The following ALDOA variants were observed in gnomAD, a reference collection of about 807,000 sequenced individuals.
The protein encoded by ALDOA is fructose-bisphosphate aldolase A.
A neutral mutation model predicts 43.9 loss-of-function variants in ALDOA; 26 were observed. That is an observed-to-expected ratio of 0.59 (90% CI 0.43 to 0.82). The LOEUF is 0.82. ALDOA is among the 40% of genes least tolerant of loss of function. The pLI is 0.00. For synonymous variants in ALDOA, 258 were observed against 222.6 expected, an observed-to-expected ratio of 1.16 and a Z score of -1.42; for missense variants, 498 against 549.5, an observed-to-expected ratio of 0.91 and a Z score of 0.94.
intron 5 of ALDOA, 35 bp from the exon 6 acceptor site, chr16:30,068,782 TC>T (rs752432028): frequency 6.2e-7 from 1 of 1,614,142 alleles, no homozygotes; most frequent in South Asian, 1.1e-5. Flanking sequence ...CACATGCCCC[TC>T]CCCACCGTGC....
At chr16:30,065,662 C>T (rs1044819622), upstream of ALDOA, 1 of 152,246 alleles carries the variant, frequency 6.6e-6, no homozygotes, top group African/African-American at 2.4e-5. Flanking sequence ...TAGCCCAGTC[C>T]GTCGCCTGCC....
In ALDOA at chr16:30,070,107, C is replaced by G. The variant is rs2072272188; in HGVS notation, c.1162-10C>G. On this transcript the variant is annotated splice_polypyrimidine_tract_variant and intron_variant, in intron 9 of 9. Coordinates refer to ENST00000642816, the MANE Select transcript of ALDOA (RefSeq NM_001243177.4). ...AGAGCCCTTCTCACTCCACCCCTCTCCCTGCTTAGGCCAACAGCCTTGCCT... is the reference window on the plus strand; with the variant it reads ...AGAGCCCTTCTCACTCCACCCCTCTGCCTGCTTAGGCCAACAGCCTTGCCT... 6.2e-7 allele frequency: 1 copy of G among 1,613,872 alleles called. No individual in the cohort carries two copies. The highest frequency in any genetic ancestry group is 8.5e-7 in the Non-Finnish European group (1 of 1,180,022).
intron 4 of ALDOA, 144 bp from the exon 5 acceptor site, chr16:30,068,501 GC>G: frequency 1.1e-6 from 1 of 873,598 alleles, no homozygotes; most frequent in African/African-American, 2.0e-5. Flanking sequence ...TACCTAGGAG[GC>G]TGAGGCGGGA....
Position 30,070,236 on chromosome 16 carries a change from C to G in ALDOA, c.*24C>G. On this transcript the variant is annotated 3_prime_UTR_variant, in exon 10 of 10. Transcript: ENST00000642816. ...AAGCGGAGGTGTTCCCAGGCTGCCC[C>G]CAACACTCCAGGCCCTGCCCCCTCC... The G allele has an allele frequency of 6.2e-7, 1 of 1,611,966 alleles. No individual in the cohort carries two copies. The highest frequency in any genetic ancestry group is 8.5e-7 in the Non-Finnish European group (1 of 1,178,176).
rs747788394 is a variant in ALDOA at position 30,067,557 on chromosome 16, A to C, written c.382A>C (p.Ile128Leu). ...LTADDRVNPC[I>L]GGVILFHETL... ...AGCTGACGACCGCGTGAACCCCTGCATTGGGGGTGTCATCCTCTTCCATGA... is the reference window on the plus strand; with the variant it reads ...AGCTGACGACCGCGTGAACCCCTGCCTTGGGGGTGTCATCCTCTTCCATGA... Residue 128 changes from isoleucine (I) to leucine (L), a missense_variant, in exon 4 of 10, where the codon ATT becomes CTT. Transcript: ENST00000642816. 133 of 1,613,596 alleles carry C rather than the reference A, an allele frequency of 8.2e-5. No individual in the cohort carries two copies. The highest frequency in any genetic ancestry group is 1.0e-4 in the Non-Finnish European group (119 of 1,180,016).
chr16:30,066,875 T>A lies in ALDOA; in HGVS notation c.-13-10T>A, dbSNP rs1478325168. The A allele has an allele frequency of 6.5e-7, 1 of 1,546,578 alleles. No individual in the cohort carries two copies. Among genetic ancestry groups the A allele is most frequent in the Non-Finnish European group, 8.7e-7 (1 of 1,144,862 alleles). On this transcript the variant is annotated splice_polypyrimidine_tract_variant and intron_variant, in intron 1 of 9. Coordinates refer to ENST00000642816, the MANE Select transcript of ALDOA (RefSeq NM_001243177.4). Reference sequence around the variant, plus strand: ...CATTCTAAAATACTCCGGTTCGGTTTTGTTTTCAGGCAAGGTGACCCCATG... The same window carrying A: ...CATTCTAAAATACTCCGGTTCGGTTATGTTTTCAGGCAAGGTGACCCCATG...
chr16:30,070,188 C>T lies in ALDOA; in HGVS notation c.1233C>T (p.Leu411=), dbSNP rs3169548. ...GQAGAAASES[L]FVSNHAY is the part of the protein sequence containing the mutation. ...CTGGGGCTGCTGCCAGCGAGTCCCT[C>T]TTCGTCTCTAACCACGCCTATTAAG... The change falls in exon 10 of 10, where the codon CTC becomes CTT. Residue 411 remains leucine, a synonymous_variant. Transcript: ENST00000642816. 3.5e-5 allele frequency: 57 copies of T among 1,614,052 alleles called. No homozygotes were observed. Among genetic ancestry groups the T allele is most frequent in the Middle Eastern group, 1.6e-4 (1 of 6,084 alleles).
At chr16:30,064,667 A>G, upstream of ALDOA, 1 of 391,686 alleles carries the variant, frequency 2.6e-6, no homozygotes, top group Non-Finnish European at 4.5e-6. Flanking sequence ...GGCAGGGGTC[A>G]TTAGAGAAGA....
At position 30,068,889 on chromosome 16, in the gene ALDOA, G is replaced by T. The variant is rs199655729; in HGVS notation, c.613G>T (p.Val205Leu). Reference protein sequence around the residue: ...DGADFAKWRCVLKIGEHTPSA... With the variant: ...DGADFAKWRCLLKIGEHTPSA... ...AGCTGACTTCGCCAAGTGGCGTTGTGTGCTGAAGATTGGGGAACACACCCC... is the reference window on the plus strand; with the variant it reads ...AGCTGACTTCGCCAAGTGGCGTTGTTTGCTGAAGATTGGGGAACACACCCC... Residue 205 changes from valine to leucine, a missense_variant, in exon 6 of 10, where the codon GTG becomes TTG. Physicochemically the swap from Val to Leu is conservative, Grantham distance 32. Coordinates refer to ENST00000642816, the MANE Select transcript of ALDOA (RefSeq NM_001243177.4). The T allele has an allele frequency of 1.2e-5, 20 of 1,614,134 alleles. No individual in the cohort carries two copies. The African/African-American group carries it at 2.5e-4, about 20-fold the overall frequency.
chr16:30,069,092 G>C, intron 6 of ALDOA, 114 bp downstream of exon 6: 1 of 1,526,912 alleles, frequency 6.5e-7, no homozygotes, highest in East Asian at 2.3e-5. Context: ...ATTAGCTTTG[G>C]CCCGTGGAGG....
At position 30,070,344 on chromosome 16, in the gene ALDOA, G is replaced by T; in HGVS notation, c.*132G>T. 3 of 802,358 alleles carry T rather than the reference G, an allele frequency of 3.7e-6. No homozygotes were observed. The highest frequency in any genetic ancestry group is 4.6e-4 in the Middle Eastern group (2 of 4,366). 49.7% of individuals were successfully genotyped at this position (802,358 alleles called of 1,614,324 possible). On this transcript the variant is annotated 3_prime_UTR_variant, in exon 10 of 10. Coordinates refer to ENST00000642816, the MANE Select transcript of ALDOA (RefSeq NM_001243177.4). The stretch of plus-strand genomic sequence containing the variant: ...TCTTCCCTCGTGACAGTGGTGTGTG[G>T]TGTCGTCTGTGAATGCTAAGTCCAT...
Position 30,069,556 on chromosome 16 carries a change from T to G in ALDOA, c.844T>G (p.Leu282Val). 1 of 1,614,120 alleles carries G rather than the reference T, an allele frequency of 6.2e-7. No homozygotes were observed. Among genetic ancestry groups the G allele is most frequent in the Non-Finnish European group, 8.5e-7 (1 of 1,180,016 alleles). The part of the protein sequence containing the change: ...SDHHIYLEGT[L>V]LKPNMVTPGH... ...CCACCACATCTACCTGGAAGGCACC[T>G]TGCTGAAGCCCAACATGGTCACCCC... The change falls in exon 8 of 10, where the codon TTG becomes GTG. Residue 282 changes from leucine (L) to valine (V), a missense_variant. Leu to Val is a conservative substitution (Grantham distance 32). Coordinates refer to ENST00000642816, the MANE Select transcript of ALDOA (RefSeq NM_001243177.4).
intron 4 of ALDOA, chr16:30,067,947 TGTC>T (rs1484390871): frequency 3.9e-6 from 2 of 507,276 alleles, no homozygotes; most frequent in East Asian, 7.3e-5. Context: ...ACATTTCTGT[TGTC>T]AAATAACATC....
intron 3 of ALDOA, 27 bp downstream of exon 3, chr16:30,067,393 A>C: frequency 1.2e-6 from 2 of 1,613,932 alleles, no homozygotes; most frequent in Non-Finnish European, 1.7e-6. Flanking sequence ...GAATGGGTGG[A>C]GGGTGCAGGG....
chr16:30,068,062 A>ATTTTT (rs71143773), intron 4 of ALDOA: 4 of 176,882 alleles, frequency 2.3e-5, no homozygotes, highest in Non-Finnish European at 3.4e-5. Context: ...TTTTAAGTAA[A>ATTTTT]TTTTTTTTTT....
intron 4 of ALDOA, chr16:30,068,395 T>C: frequency 1.8e-6 from 1 of 546,308 alleles, no homozygotes; most frequent in South Asian, 1.9e-5. Flanking sequence ...TGTAACTAAG[T>C]GAAAATATTT....
At chr16:30,067,684 T>G in intron 4 of ALDOA, 23 bp downstream of exon 4, 2 of 1,613,524 alleles carry the variant, frequency 1.2e-6, no homozygotes, top group Non-Finnish European at 1.7e-6. Context: ...CCTCCGGACG[T>G]GAGGTTTGAG....
upstream of ALDOA, chr16:30,064,654 A>AAGGGC (rs1442457636): frequency 7.6e-6 from 3 of 393,342 alleles, no homozygotes; most frequent in African/African-American, 4.1e-5. Flanking sequence ...GTGGCGGGAA[A>AAGGGC]AGGGCAGGGG....
At chr16:30,068,576 C>G (rs542882908) in intron 4 of ALDOA, 70 bp from the exon 5 acceptor site, 34 of 1,550,834 alleles carry the variant, frequency 2.2e-5, no homozygotes, top group Non-Finnish European at 2.8e-5. Flanking sequence ...GTACTCCAGC[C>G]GGGGCGACAG....
Sources: gnomAD v4.1 joint callset for allele counts on GRCh38, gnomAD v4.1.1 for gene constraint, MANE v1.5 for transcripts, NCBI Gene and HGNC (gene_info 2026-07-23, HGNC 2026-07-21) for gene names.